Variants in GNG7 observed in about 807,000 individuals in gnomAD.
The protein encoded by GNG7 is guanine nucleotide-binding protein G(I)/G(S)/G(O) subunit gamma-7.
Under a neutral mutation model 4.0 loss-of-function variants are expected in GNG7, and 1 was observed. The observed-to-expected ratio is 0.25, with a 90% CI of 0.09 to 1.18. GNG7 has a LOEUF of 1.18. Ranked by LOEUF, GNG7 falls within the 50% of genes most tolerant of loss-of-function variation. GNG7 has a pLI of 0.50. For synonymous variants in GNG7, 34 were observed against 36.9 expected, an observed-to-expected ratio of 0.92 and a Z score of 0.29; for missense variants, 86 against 91.9, an observed-to-expected ratio of 0.94 and a Z score of 0.26.
chr19:2,624,124 C>T (rs569617012), intron 2 of GNG7, among the ~76,000 whole-genome samples: 1 of 152,098 alleles, frequency 6.6e-6, no homozygotes, highest in East Asian at 1.9e-4. Flanking sequence ...CTGGAGATGA[C>T]GGTGGTGATG....
intron 2 of GNG7, among the ~76,000 whole-genome samples, chr19:2,628,598 C>T (rs1982078639): frequency 6.7e-6 from 1 of 149,890 alleles, no homozygotes; most frequent in African/African-American, 2.5e-5. Flanking sequence ...GTTAAGTATA[C>T]TCACACTGCT....
At chr19:2,539,081 A>T (rs1978856496) in intron 3 of GNG7, among the ~76,000 whole-genome samples, 1 of 152,118 alleles carries the variant, frequency 6.6e-6, no homozygotes, top group Admixed American at 6.6e-5. Flanking sequence ...CTAGATTGTT[A>T]AATAAATTAT....
At chr19:2,686,438 G>A (rs112953981) in intron 1 of GNG7, among the ~76,000 whole-genome samples, 13 of 152,242 alleles carry the variant, frequency 8.5e-5, no homozygotes, top group Non-Finnish European at 1.6e-4. Flanking sequence ...GATTATAGGC[G>A]TGAGCCACCG....
intron 1 of GNG7, among the ~76,000 whole-genome samples, chr19:2,674,545 C>T (rs1481932134): frequency 6.6e-6 from 1 of 152,136 alleles, no homozygotes; most frequent in Admixed American, 6.5e-5. Context: ...AAGCGATCCT[C>T]CTGCCTCAAC....
intron 1 of GNG7, among the ~76,000 whole-genome samples, chr19:2,663,287 C>T (rs981501660): frequency 6.6e-6 from 1 of 151,892 alleles, no homozygotes; most frequent in African/African-American, 2.4e-5. Context: ...GTTATGAAGG[C>T]CCTACCCTCA....
intron 2 of GNG7, among the ~76,000 whole-genome samples, chr19:2,568,066 CAT>C (rs2144776610): frequency 6.6e-6 from 1 of 151,684 alleles, no homozygotes; most frequent in South Asian, 2.1e-4. Context: ...CACATATAGA[CAT>C]ACACACATAT....
In GNG7 at chr19:2,626,599, A is replaced by G. The variant is rs1982027960; in HGVS notation, c.-78+19625T>C. On this transcript the variant is annotated intron_variant, in intron 2 of 4. Transcript: ENST00000382159. The surrounding 1 kb of genome is among the most constrained non-coding windows in gnomAD (Gnocchi z 5.0). Reference sequence around the variant, plus strand: ...TCAACTCATGTCACTTCCTCCAGGAAGCCCTCCCTGAATTCCCGAACAAAG... The same window carrying G: ...TCAACTCATGTCACTTCCTCCAGGAGGCCCTCCCTGAATTCCCGAACAAAG... Among the ~76,000 whole-genome samples the G allele has an allele frequency of 6.6e-6, 1 of 152,124 alleles. No homozygotes were observed. Among genetic ancestry groups the G allele is most frequent in the Non-Finnish European group, 1.5e-5 (1 of 68,016 alleles).
chr19:2,624,782 AC>A (rs907281706), intron 2 of GNG7, among the ~76,000 whole-genome samples: 1 of 152,046 alleles, frequency 6.6e-6, no homozygotes, highest in Non-Finnish European at 1.5e-5. Context: ...TCTGGTAATT[AC>A]CCCCAGGCAG....
chr19:2,641,086 T>C (rs1982493068), intron 2 of GNG7, among the ~76,000 whole-genome samples: 1 of 152,200 alleles, frequency 6.6e-6, no homozygotes, highest in African/African-American at 2.4e-5. Flanking sequence ...AAGAAGGGAC[T>C]CGGGTCCCGC....
intron 2 of GNG7, among the ~76,000 whole-genome samples, chr19:2,641,679 T>C (rs528811363): frequency 6.6e-6 from 1 of 152,192 alleles, no homozygotes; most frequent in African/African-American, 2.4e-5. Context: ...TTTTTCTTTT[T>C]TTGAGATGGA....
intron 2 of GNG7, among the ~76,000 whole-genome samples, chr19:2,576,784 A>C (rs1439849711): frequency 6.6e-6 from 1 of 152,096 alleles, no homozygotes; most frequent in Non-Finnish European, 1.5e-5. Context: ...CCTGAACGCA[A>C]GCGATCCTGC....
At chr19:2,532,481 A>T (rs8108639) in intron 3 of GNG7, among the ~76,000 whole-genome samples, 50,101 of 152,042 alleles carry the variant, frequency 0.33, 8,704 homozygotes, top group East Asian at 0.51. Context: ...CAAAAGACAT[A>T]GAAGATGCAG....
chr19:2,696,336 AAGAAAG>A (rs1336887011), intron 1 of GNG7, among the ~76,000 whole-genome samples: 14 of 145,342 alleles, frequency 9.6e-5, no homozygotes, highest in African/African-American at 2.9e-4. Flanking sequence ...GAAAGAAAGA[AAGAAAG>A]AAAGAAAAGA....
intron 2 of GNG7, among the ~76,000 whole-genome samples, chr19:2,567,331 T>TGTGTGTGTGTGTGTGTGTGTG (rs140297869): frequency 3.6e-5 from 5 of 137,172 alleles, no homozygotes; most frequent in African/African-American, 1.5e-4. Flanking sequence ...TGTCGTCGAT[T>TGTGTGTGTGTGTGTGTGTGTG]TGTGTGTGTG....
chr19:2,622,400 AAAGGGTGCGGGAT>A (rs1340715531), intron 2 of GNG7, among the ~76,000 whole-genome samples: 1 of 152,204 alleles, frequency 6.6e-6, no homozygotes, highest in African/African-American at 2.4e-5. Flanking sequence ...TTAAGCTTGC[AAAGGGTGCGGGAT>A]AAGCCCTGCA....
At chr19:2,630,513 G>A (rs1982131407) in intron 2 of GNG7, among the ~76,000 whole-genome samples, 1 of 152,090 alleles carries the variant, frequency 6.6e-6, no homozygotes, top group Non-Finnish European at 1.5e-5. Context: ...GGAAGCATGA[G>A]GGGCCTATGG....
chr19:2,690,362 C>G (rs906919397), intron 1 of GNG7, among the ~76,000 whole-genome samples: 1 of 152,040 alleles, frequency 6.6e-6, no homozygotes, highest in African/African-American at 2.4e-5. Context: ...ACCTAGGTGA[C>G]AGAACGAGAT....
chr19:2,530,119 A>G (rs889768484), intron 3 of GNG7, among the ~76,000 whole-genome samples: 2 of 152,270 alleles, frequency 1.3e-5, no homozygotes, highest in Admixed American at 1.3e-4. Context: ...GTCCACTAGA[A>G]AAGCTGGACA....
rs529187738 is a variant in GNG7 at position 2,630,166 on chromosome 19, C to T, written c.-78+16058G>A. Among the ~76,000 whole-genome samples the T allele has an allele frequency of 5.3e-5, 8 of 152,146 alleles. No homozygotes were observed. The East Asian group carries it at 7.7e-4, about 15-fold the overall frequency. ...TACTCCTGCAAGAGGAAGGGATGGA[C>T]GCCAGAAAAAGGGAGTGAAGGTCCT... On this transcript the variant is annotated intron_variant, in intron 2 of 4. Transcript: ENST00000382159.
Sources: gnomAD v4.1 joint callset for allele counts (sites outside exome capture counted in the v4.1 genomes callset) on GRCh38, gnomAD v4.1.1 for gene constraint, Gnocchi (gnomAD v3.1) non-coding constraint, MANE v1.5 for transcripts, NCBI Gene and HGNC (gene_info 2026-07-23, HGNC 2026-07-21) for gene names.